The following CBFA2T2 variants were observed in gnomAD, a reference collection of about 807,000 sequenced individuals.
The protein encoded by CBFA2T2 is protein CBFA2T2.
In CBFA2T2, 11 loss-of-function variants were observed where a neutral mutation model predicts 62.2. That is an observed-to-expected ratio of 0.18 (90% CI 0.11 to 0.29). The LOEUF (loss-of-function observed/expected upper bound fraction) is 0.29. Ranked by LOEUF, CBFA2T2 falls within the 10% of genes least tolerant of loss-of-function variation. The probability of loss-of-function intolerance (pLI) is 1.00; values close to 1 mark genes in which losing one functional copy is unlikely to be tolerated. For missense variants in CBFA2T2, 592 were observed against 774.1 expected, an observed-to-expected ratio of 0.76 and a Z score of 2.79; for synonymous variants, 295 against 287.5, an observed-to-expected ratio of 1.03 and a Z score of -0.27.
At chr20:33,550,202 G>A (rs1311550136) in intron 1 of CBFA2T2, among the ~76,000 whole-genome samples, 4 of 152,068 alleles carry the variant, frequency 2.6e-5, no homozygotes, top group African/African-American at 7.2e-5. Flanking sequence ...AAATGGCCAC[G>A]ATGTTTGGAA....
chr20:33,626,233 C>T (rs2016223234), intron 6 of CBFA2T2, among the ~76,000 whole-genome samples: 1 of 152,162 alleles, frequency 6.6e-6, no homozygotes, highest in Admixed American at 6.5e-5. Flanking sequence ...ATGGTGAGAC[C>T]CTGCCTCAAC....
chr20:33,576,693 C>T (rs1420378903), intron 1 of CBFA2T2, among the ~76,000 whole-genome samples: 1 of 152,242 alleles, frequency 6.6e-6, no homozygotes, highest in Non-Finnish European at 1.5e-5. Context: ...ACCAGGAGGG[C>T]GCCAGCAAGG....
chr20:33,648,047 C>A lies in CBFA2T2; in HGVS notation c.*3401C>A, dbSNP rs1001793922. 6.6e-6 allele frequency: 1 copy of A among 152,274 alleles called. No homozygotes were observed. The allele number at this position is 152,274 out of a possible 1,614,324, so 9.4% of individuals were successfully genotyped here. Reference sequence around the variant, plus strand: ...GGCAGCTAGAGGCGCAGGAGCGAATCCAGGTTCCTTGCGTGGTTCCCAGCC... The same window carrying A: ...GGCAGCTAGAGGCGCAGGAGCGAATACAGGTTCCTTGCGTGGTTCCCAGCC... On this transcript the variant is annotated 3_prime_UTR_variant, in exon 11 of 11. Coordinates refer to ENST00000342704, the MANE Select transcript of CBFA2T2 (RefSeq NM_001032999.3).
chr20:33,522,481 G>A (rs1017287315), intron 1 of CBFA2T2, among the ~76,000 whole-genome samples: 1 of 148,848 alleles, frequency 6.7e-6, no homozygotes, highest in Non-Finnish European at 1.5e-5. Context: ...TACTCTCAGC[G>A]CTTTGGGAGG....
At chr20:33,624,490 C>T (rs1458759290) in intron 5 of CBFA2T2, among the ~76,000 whole-genome samples, 1 of 152,134 alleles carries the variant, frequency 6.6e-6, no homozygotes, top group East Asian at 1.9e-4. Flanking sequence ...GGTGTCATCT[C>T]CTTAGTCTCT....
At chr20:33,637,311 T>G (rs1287341307) in intron 9 of CBFA2T2, among the ~76,000 whole-genome samples, 1 of 152,268 alleles carries the variant, frequency 6.6e-6, no homozygotes, top group African/African-American at 2.4e-5. Flanking sequence ...TTTCATTTTT[T>G]AAGTCCAATA....
chr20:33,495,236 A>G (rs980027227), intron 1 of CBFA2T2, among the ~76,000 whole-genome samples: 1 of 151,838 alleles, frequency 6.6e-6, no homozygotes, highest in Non-Finnish European at 1.5e-5. Flanking sequence ...CATCTCTACT[A>G]AAAATACAAA....
chr20:33,550,577 CAAAT>C (rs1393186554), intron 1 of CBFA2T2, among the ~76,000 whole-genome samples: 1 of 151,984 alleles, frequency 6.6e-6, no homozygotes, highest in Non-Finnish European at 1.5e-5. Context: ...ATTTGGTCAA[CAAAT>C]AACTCAAAGT....
chr20:33,622,427 T>C (rs1165197251), intron 4 of CBFA2T2, among the ~76,000 whole-genome samples: 1 of 152,226 alleles, frequency 6.6e-6, no homozygotes, highest in African/African-American at 2.4e-5. Flanking sequence ...ATTTCTACTT[T>C]ATGTTTTTTT....
chr20:33,558,517 A>G (rs1179010332), intron 1 of CBFA2T2, among the ~76,000 whole-genome samples: 1 of 152,106 alleles, frequency 6.6e-6, no homozygotes, highest in African/African-American at 2.4e-5. Flanking sequence ...TGCTTGGACT[A>G]TAAAGTTTTC....
At chr20:33,534,286 T>C (rs1021479381) in intron 1 of CBFA2T2, among the ~76,000 whole-genome samples, 5 of 152,146 alleles carry the variant, frequency 3.3e-5, no homozygotes, top group Non-Finnish European at 7.4e-5. Flanking sequence ...TTTACCCATT[T>C]AAAAAAATTA....
chr20:33,504,618 G>C (rs1015378676), intron 1 of CBFA2T2, among the ~76,000 whole-genome samples: 1 of 151,906 alleles, frequency 6.6e-6, no homozygotes, highest in African/African-American at 2.4e-5. Context: ...TGGCCAGACT[G>C]TCTCGAAATC....
At chr20:33,620,916 T>C (rs2015935834) in intron 4 of CBFA2T2, among the ~76,000 whole-genome samples, 1 of 152,236 alleles carries the variant, frequency 6.6e-6, no homozygotes. Flanking sequence ...ACAACACTGT[T>C]ACCTATAGAC....
At position 33,535,622 on chromosome 20, in the gene CBFA2T2, TC is replaced by T. The variant is rs1436562986; in HGVS notation, c.34+45322del. On this transcript the variant is annotated intron_variant, in intron 1 of 10. Transcript: ENST00000342704. ...GTTTTATTTTTATTTTTTTATTTTT[TC>T]TTTTTTTTTTTGACCTTTTAAATAT... Among the ~76,000 whole-genome samples, 370 of 129,494 alleles carry T rather than the reference TC, an allele frequency of 2.9e-3. 2 individuals carry two copies. Among genetic ancestry groups the T allele is most frequent in the African/African-American group, 0.014 (356 of 26,142 alleles). The allele number at this position is 129,494 out of a possible 152,430, so 85.0% of individuals were successfully genotyped here. A position where few individuals can be genotyped will look rare whatever the true frequency, so the allele number is the denominator to read the frequency against.
chr20:33,582,251 G>C (rs2014151500), intron 1 of CBFA2T2, among the ~76,000 whole-genome samples: 1 of 151,990 alleles, frequency 6.6e-6, no homozygotes, highest in Admixed American at 6.5e-5. Context: ...TCAGCACTTT[G>C]GGAGGCTGAG....
rs1239905071 is a variant in CBFA2T2 at position 33,613,284 on chromosome 20, T to C, written c.420+1949T>C. Among the ~76,000 whole-genome samples, 3 of 152,346 alleles carry C rather than the reference T, an allele frequency of 2.0e-5. No homozygotes were observed. In the East Asian group the frequency reaches 5.8e-4, roughly 29 times the overall value. On this transcript the variant is annotated intron_variant, in intron 3 of 10. Transcript: ENST00000342704. ...ATCTGACATTTAAGTCATTTGTAAT[T>C]TGGGGCAGTTTTGGGGTCTCCAGCA... is the stretch of plus-strand genomic sequence containing the variant.
At chr20:33,604,981 A>C (rs2076142448) in intron 1 of CBFA2T2, among the ~76,000 whole-genome samples, 1 of 152,246 alleles carries the variant, frequency 6.6e-6, no homozygotes, top group Non-Finnish European at 1.5e-5. Flanking sequence ...TTTCACAAAG[A>C]AAATGTCCTG....
At chr20:33,598,614 C>G (rs1421021150) in intron 1 of CBFA2T2, among the ~76,000 whole-genome samples, 1 of 152,016 alleles carries the variant, frequency 6.6e-6, no homozygotes, top group Non-Finnish European at 1.5e-5. Flanking sequence ...GCAGTTAATG[C>G]AATTATTACA....
intron 3 of CBFA2T2, among the ~76,000 whole-genome samples, chr20:33,618,296 C>G (rs1445773984): frequency 6.6e-6 from 1 of 151,600 alleles, no homozygotes; most frequent in South Asian, 2.1e-4. Context: ...TGTTATAGCT[C>G]TTTCTGGGGA....
Sources: allele counts gnomAD v4.1 joint callset (sites outside exome capture counted in the v4.1 genomes callset), GRCh38; gene constraint gnomAD v4.1.1; transcripts MANE v1.5; gene names NCBI Gene and HGNC (gene_info 2026-07-23, HGNC 2026-07-21).